The following NKAIN2 variants were observed in gnomAD, a reference collection of about 807,000 sequenced individuals.
NKAIN2 encodes sodium/potassium-transporting ATPase subunit beta-1-interacting protein 2.
A neutral mutation model predicts 32.6 loss-of-function variants in NKAIN2; 14 were observed. That is an observed-to-expected ratio of 0.43 (90% CI 0.28 to 0.67). The LOEUF (loss-of-function observed/expected upper bound fraction) is 0.67, where lower values mean the gene tolerates loss of function less well. NKAIN2 is among the 30% of genes least tolerant of loss of function. NKAIN2 has a pLI of 0.17. For synonymous variants in NKAIN2, 80 were observed against 87.2 expected, an observed-to-expected ratio of 0.92 and a Z score of 0.46; for missense variants, 198 against 258.3, an observed-to-expected ratio of 0.77 and a Z score of 1.60.
At chr6:124,609,583 C>T (rs747542158) in intron 3 of NKAIN2, among the ~76,000 whole-genome samples, 1 of 152,048 alleles carries the variant, frequency 6.6e-6, no homozygotes, top group Admixed American at 6.6e-5. Flanking sequence ...TGTGTCTGAT[C>T]GATGTGTCTC....
At chr6:124,129,748 G>T (rs1786360098) in intron 1 of NKAIN2, among the ~76,000 whole-genome samples, 1 of 152,034 alleles carries the variant, frequency 6.6e-6, no homozygotes, top group South Asian at 2.1e-4. Context: ...CTGCCAAGTA[G>T]CTGGGATTAC....
At chr6:124,611,895 T>A (rs1339344592) in intron 3 of NKAIN2, among the ~76,000 whole-genome samples, 1 of 152,178 alleles carries the variant, frequency 6.6e-6, no homozygotes. Context: ...GAGCACTTTG[T>A]TGTCAGCACC....
chr6:124,754,230 T>C (rs1247952639), intron 4 of NKAIN2, among the ~76,000 whole-genome samples: 1 of 152,096 alleles, frequency 6.6e-6, no homozygotes, highest in Non-Finnish European at 1.5e-5. Context: ...GATGTAAACA[T>C]AGTTTATGTA....
intron 4 of NKAIN2, among the ~76,000 whole-genome samples, chr6:124,696,368 C>T (rs1394353351): frequency 6.6e-6 from 1 of 151,994 alleles, no homozygotes; most frequent in Admixed American, 6.6e-5. Context: ...CTCAGTATGC[C>T]TAAGTGCCAT....
intron 4 of NKAIN2, among the ~76,000 whole-genome samples, chr6:124,697,256 G>A (rs1199996664): frequency 6.6e-6 from 1 of 152,112 alleles, no homozygotes; most frequent in East Asian, 1.9e-4. Flanking sequence ...GACAACAGTA[G>A]TGGTGAGGTG....
chr6:124,791,149 G>T (rs1168854842), intron 4 of NKAIN2, among the ~76,000 whole-genome samples, 190 bp from the exon 5 acceptor site: 1 of 152,090 alleles, frequency 6.6e-6, no homozygotes, highest in African/African-American at 2.4e-5. Context: ...AGTAATATAT[G>T]TATTTACAAC....
At chr6:124,462,439 T>C (rs374075062) in intron 3 of NKAIN2, among the ~76,000 whole-genome samples, 63 of 152,078 alleles carry the variant, frequency 4.1e-4, no homozygotes, top group South Asian at 3.9e-3. Context: ...CTCTCATCCT[T>C]TTTTCAAATA....
At chr6:124,687,279 G>T (rs144793165) in intron 4 of NKAIN2, among the ~76,000 whole-genome samples, 13,675 of 135,436 alleles carry the variant, frequency 0.1, 1,025 homozygotes, top group East Asian at 0.34. Flanking sequence ...TATATATAGA[G>T]AGAGAATATA....
At chr6:124,351,397 C>T (rs746656934) in intron 2 of NKAIN2, among the ~76,000 whole-genome samples, 1 of 150,762 alleles carries the variant, frequency 6.6e-6, no homozygotes, top group Admixed American at 6.6e-5. Context: ...TCCAGCTACC[C>T]AAGAGGCTGA....
intron 1 of NKAIN2, among the ~76,000 whole-genome samples, chr6:124,070,861 T>C (rs546304357): frequency 6.6e-6 from 1 of 152,110 alleles, no homozygotes; most frequent in South Asian, 2.1e-4. Flanking sequence ...TCAAACTATA[T>C]CATAAAACTA....
chr6:124,558,200 T>A (rs1030190936), intron 3 of NKAIN2, among the ~76,000 whole-genome samples: 1 of 152,226 alleles, frequency 6.6e-6, no homozygotes, highest in Admixed American at 6.5e-5. Flanking sequence ...ATGCTTTTTT[T>A]CCTTGTATCA....
In NKAIN2 at chr6:123,911,799, ATG is replaced by A. The variant is rs59861466; in HGVS notation, c.54+107547_54+107548del. 3.7e-3 allele frequency among the ~76,000 whole-genome samples: 368 copies of A among 99,256 alleles called. 18 individuals are homozygous for A. The highest frequency in any genetic ancestry group is 0.014 in the African/African-American group (298 of 20,844). 65.1% of individuals were successfully genotyped at this position (99,256 alleles called of 152,430 possible). A position where few individuals can be genotyped will look rare whatever the true frequency, so the allele number is the denominator to read the frequency against. ...CATACATACATATATATATATATATATGTATATATATATACACACACACACAC... is the reference window on the plus strand; with the variant it reads ...CATACATACATATATATATATATATATATATATATATACACACACACACAC... On this transcript the variant is annotated intron_variant, in intron 1 of 6. Coordinates refer to ENST00000368417, the MANE Select transcript of NKAIN2 (RefSeq NM_001040214.3).
intron 3 of NKAIN2, among the ~76,000 whole-genome samples, chr6:124,406,002 A>G (rs971743397): frequency 3.1e-5 from 3 of 96,780 alleles, no homozygotes; most frequent in African/African-American, 1.4e-4. Context: ...CAATTCATTC[A>G]TTACCACCAC....
chr6:124,155,647 T>C (rs192704789), intron 1 of NKAIN2, among the ~76,000 whole-genome samples: 1 of 151,402 alleles, frequency 6.6e-6, no homozygotes, highest in East Asian at 1.9e-4. Flanking sequence ...AATTTTGATA[T>C]GATTTAACAA....
chr6:124,722,969 G>A (rs1776095489), intron 4 of NKAIN2, among the ~76,000 whole-genome samples: 1 of 152,164 alleles, frequency 6.6e-6, no homozygotes, highest in Non-Finnish European at 1.5e-5. Flanking sequence ...AAAAACACAT[G>A]AGGAACATCT....
chr6:124,590,168 T>C (rs867472334), intron 3 of NKAIN2, among the ~76,000 whole-genome samples: 1 of 152,294 alleles, frequency 6.6e-6, no homozygotes, highest in African/African-American at 2.4e-5. Context: ...TGCTGAATAA[T>C]GGCAGTAAGA....
intron 3 of NKAIN2, among the ~76,000 whole-genome samples, chr6:124,646,945 C>T (rs377400253): frequency 2.1e-4 from 32 of 150,594 alleles, no homozygotes; most frequent in Admixed American, 5.3e-4. Flanking sequence ...AGGAAGACTC[C>T]GTCTCAAAAA....
rs78408280 is a variant in NKAIN2, at chr6:124,586,716, T to C, written c.274-71470T>C. Among the ~76,000 whole-genome samples, 359 of 152,284 alleles carry C rather than the reference T, an allele frequency of 2.4e-3. 1 individual carries two copies. Among genetic ancestry groups the C allele is most frequent in the African/African-American group, 8.2e-3 (341 of 41,552 alleles). ...TATTTTCCTAAGTGAAATAAAAGAC[T>C]ATGGCCACACAAAAGTCTGTGTGTA... is the stretch of plus-strand genomic sequence containing the variant. On this transcript the variant is annotated intron_variant, in intron 3 of 6. Transcript: ENST00000368417.
At position 124,050,533 on chromosome 6, in the gene NKAIN2, G is replaced by A. The variant is rs184775032; in HGVS notation, c.55-232472G>A. Among the ~76,000 whole-genome samples the A allele has an allele frequency of 2.6e-5, 4 of 151,856 alleles. 1 individual carries two copies. The South Asian group carries it at 6.2e-4, about 24-fold the overall frequency. On this transcript the variant is annotated intron_variant, in intron 1 of 6. Coordinates refer to ENST00000368417, the MANE Select transcript of NKAIN2 (RefSeq NM_001040214.3). Reference sequence around the variant, plus strand: ...CCTTCAGCCTGGCTTGGGGCTCAGTGGTTTTCCTTGTATAACTCTATTGTA... The same window carrying A: ...CCTTCAGCCTGGCTTGGGGCTCAGTAGTTTTCCTTGTATAACTCTATTGTA...
Sources: gnomAD v4.1 joint callset for allele counts (sites outside exome capture counted in the v4.1 genomes callset) on GRCh38, gnomAD v4.1.1 for gene constraint, MANE v1.5 for transcripts, NCBI Gene and HGNC (gene_info 2026-07-23, HGNC 2026-07-21) for gene names.